OSBPL1A: variants seen among roughly 807,000 people sequenced by gnomAD.
OSBPL1A encodes oxysterol binding protein like 1A, also known as oxysterol-binding protein-related protein 1.
In OSBPL1A, 80 loss-of-function variants were observed where a neutral mutation model predicts 137.1. The observed-to-expected ratio is 0.58, with a 90% CI of 0.49 to 0.70. The LOEUF (loss-of-function observed/expected upper bound fraction) is 0.70, where lower values mean the gene tolerates loss of function less well. Among genes scored for constraint, OSBPL1A ranks in the 30% least tolerant of loss-of-function variants. The probability of loss-of-function intolerance (pLI) is 0.00; values close to 1 mark genes in which losing one functional copy is unlikely to be tolerated. For synonymous variants in OSBPL1A, 365 were observed against 389.7 expected (o/e 0.94, Z 0.75); for missense variants, 970 against 1,129.4 (o/e 0.86, Z 2.02).
At chr18:24,323,187 T>C (rs1390004998) in intron 7 of OSBPL1A, among the ~76,000 whole-genome samples, 2 of 152,034 alleles carry the variant, frequency 1.3e-5, no homozygotes, top group African/African-American at 4.8e-5. Context: ...AGTGCAATAC[T>C]ATCTTAAAAA....
At chr18:24,386,141 T>C (rs187241476) in intron 1 of OSBPL1A, among the ~76,000 whole-genome samples, 18 of 152,062 alleles carry the variant, frequency 1.2e-4, no homozygotes, top group African/African-American at 3.1e-4. Flanking sequence ...ACTCTTCCTA[T>C]AAGACAGGAT....
At chr18:24,245,534 C>G (rs765621396) in intron 15 of OSBPL1A, among the ~76,000 whole-genome samples, 1 of 152,188 alleles carries the variant, frequency 6.6e-6, no homozygotes, top group Non-Finnish European at 1.5e-5. Context: ...AAGAGCTCTT[C>G]TGCACACAAG....
Position 24,234,538 on chromosome 18 carries a change from G to C in OSBPL1A, c.1444+4682C>G, listed in dbSNP as rs1384153270. 3.9e-5 allele frequency among the ~76,000 whole-genome samples: 6 copies of C among 152,294 alleles called. No homozygotes were observed. In the East Asian group the frequency reaches 1.2e-3, roughly 29 times the overall value. On this transcript the variant is annotated intron_variant, in intron 16 of 27. Coordinates refer to ENST00000319481, the MANE Select transcript of OSBPL1A (RefSeq NM_080597.4). ...TCAAGCGATCCCAGGGGGGACGCCAGGGGGCTGGAAAAATTCCTCTCTTAC... is the reference window on the plus strand; with the variant it reads ...TCAAGCGATCCCAGGGGGGACGCCACGGGGCTGGAAAAATTCCTCTCTTAC...
chr18:24,247,284 G>C (rs2088925423), intron 15 of OSBPL1A, among the ~76,000 whole-genome samples: 1 of 152,168 alleles, frequency 6.6e-6, no homozygotes, highest in Non-Finnish European at 1.5e-5. Flanking sequence ...ACACTGATGA[G>C]AGATCAACTG....
At chr18:24,321,875 A>G (rs1422705037) in intron 7 of OSBPL1A, 2 of 344,104 alleles carry the variant, frequency 5.8e-6, no homozygotes, top group African/African-American at 4.4e-5. Flanking sequence ...TGATGGGTAC[A>G]TCAATTAATT....
chr18:24,295,662 T>C (rs2090276050), intron 14 of OSBPL1A, among the ~76,000 whole-genome samples: 1 of 152,200 alleles, frequency 6.6e-6, no homozygotes, highest in South Asian at 2.1e-4. Context: ...GGGGAAAGGA[T>C]AGCCTATTTT....
chr18:24,201,655 C>T (rs894494482), intron 17 of OSBPL1A, among the ~76,000 whole-genome samples: 14 of 151,970 alleles, frequency 9.2e-5, no homozygotes, highest in African/African-American at 2.7e-4. Flanking sequence ...CCCAGCTACT[C>T]GGGAGGCTGA....
intron 15 of OSBPL1A, among the ~76,000 whole-genome samples, chr18:24,250,696 G>C (rs908880406): frequency 6.6e-5 from 10 of 152,198 alleles, no homozygotes; most frequent in African/African-American, 2.4e-4. Flanking sequence ...TGGTGGCTAT[G>C]GTCAAAGACT....
At chr18:24,365,025 CA>C (rs56400717) in intron 4 of OSBPL1A, among the ~76,000 whole-genome samples, 4,866 of 89,770 alleles carry the variant, frequency 0.054, 187 homozygotes, top group African/African-American at 0.15. Context: ...AAAACAACAA[CA>C]AAAAAAAAAA....
At chr18:24,321,544 A>T (rs1354488096) in intron 7 of OSBPL1A, 2 of 388,334 alleles carry the variant, frequency 5.2e-6, no homozygotes, top group Non-Finnish European at 1.0e-5. Flanking sequence ...CAGCCTCAGC[A>T]TCCCAGAGTG....
At chr18:24,346,235 A>G (rs2091343606) in intron 4 of OSBPL1A, among the ~76,000 whole-genome samples, 1 of 152,210 alleles carries the variant, frequency 6.6e-6, no homozygotes, top group Non-Finnish European at 1.5e-5. Flanking sequence ...TGCTGTCACC[A>G]TCACACAAGT....
intron 18 of OSBPL1A, among the ~76,000 whole-genome samples, chr18:24,189,565 A>T (rs2145934958): frequency 6.6e-6 from 1 of 152,298 alleles, no homozygotes; most frequent in African/African-American, 2.4e-5. Flanking sequence ...TACCTCCCAC[A>T]GCTACCGATA....
Position 24,232,338 on chromosome 18 carries a change from G to A in OSBPL1A, c.1444+6882C>T, listed in dbSNP as rs181260321. 2.6e-3 allele frequency among the ~76,000 whole-genome samples: 397 copies of A among 152,286 alleles called. 5 individuals are homozygous for A. The highest frequency in any genetic ancestry group is 1.2e-3 in the Non-Finnish European group (81 of 68,018). On this transcript the variant is annotated intron_variant, in intron 16 of 27. Transcript: ENST00000319481. ...GACAAAAGCTTGAAACAGATTCTTG[G>A]CAGCAAGCAACAAGAGTCGGAGACA...
At chr18:24,266,036 G>A (rs1010871003) in intron 15 of OSBPL1A, among the ~76,000 whole-genome samples, 3 of 152,188 alleles carry the variant, frequency 2.0e-5, no homozygotes, top group African/African-American at 7.2e-5. Flanking sequence ...GCATCTGAAT[G>A]TCACAGCCAC....
At chr18:24,247,402 T>G (rs2088929950) in intron 15 of OSBPL1A, among the ~76,000 whole-genome samples, 2 of 152,182 alleles carry the variant, frequency 1.3e-5, no homozygotes, top group South Asian at 4.1e-4. Flanking sequence ...GGCGATGCCC[T>G]ATGGGTCAAG....
chr18:24,303,567 A>C, intron 14 of OSBPL1A, 70 bp downstream of exon 14: 1 of 1,287,744 alleles, frequency 7.8e-7, no homozygotes, highest in East Asian at 2.3e-5. Context: ...AAATGAAGTC[A>C]AACAAAACTA....
At chr18:24,172,582 G>C (rs1231572975) in intron 21 of OSBPL1A, 99 bp from the exon 22 acceptor site, 1 of 779,262 alleles carries the variant, frequency 1.3e-6, no homozygotes, top group Admixed American at 2.2e-5. Context: ...TAACAAACCA[G>C]GCTGCTTGAG....
At chr18:24,258,686 C>G (rs569994348) in intron 15 of OSBPL1A, among the ~76,000 whole-genome samples, 3 of 152,068 alleles carry the variant, frequency 2.0e-5, no homozygotes, top group African/African-American at 7.2e-5. Flanking sequence ...GTGATTATTA[C>G]GCATTGTATG....
rs549992037 is a variant in OSBPL1A, at chr18:24,163,826, G to A, written c.2751-545C>T. Among the ~76,000 whole-genome samples the A allele has an allele frequency of 2.9e-4, 44 of 151,960 alleles. No homozygotes were observed. The South Asian group carries it at 4.6e-3, about 16-fold the overall frequency. Reference sequence around the variant, plus strand: ...CAGCTCACTGCAACCTCTGCCTCCCGGGTGAAAGCGATTCTCCTGCCTCAG... The same window carrying A: ...CAGCTCACTGCAACCTCTGCCTCCCAGGTGAAAGCGATTCTCCTGCCTCAG... On this transcript the variant is annotated intron_variant, in intron 27 of 27. Transcript: ENST00000319481.
Sources: allele counts gnomAD v4.1 joint callset (sites outside exome capture counted in the v4.1 genomes callset), GRCh38; gene constraint gnomAD v4.1.1; transcripts MANE v1.5; gene names NCBI Gene and HGNC (gene_info 2026-07-23, HGNC 2026-07-21).